OBSL1: variants seen among roughly 807,000 people sequenced by gnomAD.
OBSL1 encodes the protein obscurin like cytoskeletal adaptor 1.
In OBSL1, 160 loss-of-function variants were observed where a neutral mutation model predicts 172.0. That is an observed-to-expected ratio of 0.93 (90% confidence interval 0.82 to 1.06). OBSL1 has a LOEUF of 1.06. OBSL1 is among the 50% of genes least tolerant of loss of function. The probability of loss-of-function intolerance (pLI) is 0.00; values close to 1 mark genes in which losing one functional copy is unlikely to be tolerated. For synonymous variants in OBSL1, 1,200 were observed against 1,196.3 expected, an observed-to-expected ratio of 1.00 and a Z score of -0.06; for missense variants, 2,681 against 2,715.4, an observed-to-expected ratio of 0.99 and a Z score of 0.28.
chr2:219,548,497 G>C (rs539084224), downstream of OBSL1, among the ~76,000 whole-genome samples: 6 of 152,186 alleles, frequency 3.9e-5, no homozygotes, highest in African/African-American at 1.2e-4. Flanking sequence ...CTGCTTGAAG[G>C]AGGTGATATG....
downstream of OBSL1, chr2:219,547,859 C>G (rs1020188846): frequency 3.1e-6 from 5 of 1,588,780 alleles, no homozygotes; most frequent in Non-Finnish European, 4.3e-6. Flanking sequence ...ACTCACCACC[C>G]TGGCCACCGC....
In OBSL1 at chr2:219,553,144, C is replaced by G. The variant is rs918193923; in HGVS notation, c.4990-120G>C. 12 of 1,303,152 alleles carry G rather than the reference C, an allele frequency of 9.2e-6. No individual in the cohort carries two copies. The African/African-American group carries it at 1.5e-4, about 17-fold the overall frequency. 80.7% of individuals were successfully genotyped at this position (1,303,152 alleles called of 1,614,324 possible). ...GGTCTCGAGGCGCGTTTATGCGTGT[C>G]TCGTGTTCCCAGGCTGGGGTCGGAC... On this transcript the variant is annotated intron_variant, in intron 16 of 20. Coordinates refer to ENST00000404537, the MANE Select transcript of OBSL1 (RefSeq NM_015311.3).
intron 6 of OBSL1, 117 bp downstream of exon 6, chr2:219,565,125 C>A: frequency 9.4e-7 from 1 of 1,063,590 alleles, no homozygotes; most frequent in South Asian, 1.7e-5. Flanking sequence ...GTCCCCTGGG[C>A]CACTGGACTC....
downstream of OBSL1, chr2:219,547,940 G>A (rs1190999055): frequency 2.5e-6 from 4 of 1,593,742 alleles, no homozygotes; most frequent in African/African-American, 2.7e-5. Flanking sequence ...GGGGCGCTAC[G>A]TGGTGGAGCG....
At position 219,552,111 on chromosome 2, in the gene OBSL1, C is replaced by T. The variant is rs575596742; in HGVS notation, c.5413+1G>A. 1 of 1,606,256 alleles carries T rather than the reference C, an allele frequency of 6.2e-7. No homozygotes were observed. The highest frequency in any genetic ancestry group is 1.3e-5 in the African/African-American group (1 of 74,976). On this transcript the variant is annotated splice_donor_variant, in intron 19 of 20. Coordinates refer to ENST00000404537, the MANE Select transcript of OBSL1 (RefSeq NM_015311.3). LOFTEE classifies it high-confidence loss of function. ...CTGTCGCTCCCACCCCAGGTGCTTACCCTCCACTTCCAGTAGAGCCAGGGA... is the reference window on the plus strand; with the variant it reads ...CTGTCGCTCCCACCCCAGGTGCTTATCCTCCACTTCCAGTAGAGCCAGGGA...
chr2:219,553,612 C>G lies in OBSL1; in HGVS notation c.4951G>C (p.Glu1651Gln), dbSNP rs140825693. 4 of 1,613,740 alleles carry G rather than the reference C, an allele frequency of 2.5e-6. No homozygotes were observed. In the Admixed American group the frequency reaches 6.7e-5, roughly 27 times the overall value. ...TEGDTATFEC[E>Q]LSQALADVTW... is the part of the protein sequence containing the mutation. ...ACATCAGCCAAAGCTTGGGAAAGCTCGCACTCGAACGTAGCTGTGTCGCCC... is the reference window on the plus strand; with the variant it reads ...ACATCAGCCAAAGCTTGGGAAAGCTGGCACTCGAACGTAGCTGTGTCGCCC... The change falls in exon 16 of 21, where the codon GAG (glutamate) becomes CAG (glutamine). Residue 1651 changes from glutamate to glutamine, a missense_variant. Coordinates refer to ENST00000404537, the MANE Select transcript of OBSL1 (RefSeq NM_015311.3).
chr2:219,552,701 G>T lies in OBSL1; in HGVS notation c.5147-4C>A, dbSNP rs1198596998. 4 of 1,521,532 alleles carry T rather than the reference G, an allele frequency of 2.6e-6. No homozygotes were observed. The highest frequency in any genetic ancestry group is 3.5e-6 in the Non-Finnish European group (4 of 1,134,148). 94.3% of individuals were successfully genotyped at this position (1,521,532 alleles called of 1,614,324 possible). ...GAGAGTACCGCCACAGTACGCTCTG[G>T]GGCGGAGCCCGGGGCGTGAGCGGGG... On this transcript the variant is annotated splice_region_variant and splice_polypyrimidine_tract_variant and intron_variant, in intron 17 of 20. Transcript: ENST00000404537.
In OBSL1 at chr2:219,559,292, G is replaced by A. The variant is rs115417324; in HGVS notation, c.3159C>T (p.Pro1053=). The change falls in exon 9 of 21, where the codon CCC becomes CCT. Residue 1053 remains proline (P), a synonymous_variant. Coordinates refer to ENST00000404537, the MANE Select transcript of OBSL1 (RefSeq NM_015311.3). Reference sequence around the variant, plus strand: ...CACATACAAACTCGCCCCCGTCCTCGGGCTGAGCAGCAGGTAGCACCAGGC... The same window carrying A: ...CACATACAAACTCGCCCCCGTCCTCAGGCTGAGCAGCAGGTAGCACCAGGC... ...RCRLVLPAAQ[P]EDGGEFVCDA... is the part of the protein sequence containing the mutation. 5.5e-4 allele frequency: 895 copies of A among 1,613,784 alleles called. 5 individuals carry two copies. The African/African-American group carries it at 0.011, about 19-fold the overall frequency.
intron 8 of OBSL1, chr2:219,562,014 G>T: frequency 1.4e-6 from 1 of 717,548 alleles, no homozygotes; most frequent in South Asian, 1.5e-5. Context: ...AGACTCTGCA[G>T]ACCAAACAAA....
At position 219,557,826 on chromosome 2, in the gene OBSL1, C is replaced by T; in HGVS notation, c.3787G>A (p.Ala1263Thr). ...APSLSFTVQV[A>T]EPPVRVVAPE... ...TTAATGCCCAGGCTGTACTCACCAG[C>T]CACCTGGACGGTGAAGCTGAGGCTT... The change falls in exon 11 of 21, where the codon GCT (alanine) becomes ACT (threonine). Residue 1263 changes from alanine (A) to threonine (T), a missense_variant. Transcript: ENST00000404537. The T allele has an allele frequency of 6.3e-7, 1 of 1,596,730 alleles. No individual in the cohort carries two copies. Among genetic ancestry groups the T allele is most frequent in the Non-Finnish European group, 8.5e-7 (1 of 1,178,812 alleles).
At chr2:219,559,043 C>CA in intron 9 of OBSL1, 182 bp downstream of exon 9, 2 of 582,748 alleles carry the variant, frequency 3.4e-6, no homozygotes, top group Non-Finnish European at 6.0e-6. Flanking sequence ...AATTGCTGGG[C>CA]ACCCTCCCAC....
chr2:219,556,344 C>A (rs1472577974), intron 13 of OBSL1, 52 bp from the exon 14 acceptor site: 3 of 1,570,340 alleles, frequency 1.9e-6, no homozygotes, highest in Non-Finnish European at 2.6e-6. Context: ...AGGCTGGCCC[C>A]TTGCTCCATC....
In OBSL1 at chr2:219,552,608, C is replaced by A; in HGVS notation, c.5236G>T (p.Glu1746Ter). 1 of 1,577,022 alleles carries A rather than the reference C, an allele frequency of 6.3e-7. No homozygotes were observed. The change falls in exon 18 of 21, where the codon GAG becomes TAG. Residue 1746 changes from glutamate (E) to a stop codon, truncating the protein, a stop_gained. Coordinates refer to ENST00000404537, the MANE Select transcript of OBSL1 (RefSeq NM_015311.3). LOFTEE classifies it high-confidence loss of function. ...ATFECTVSEV[E>*]TTGRWELGGR... ...CCGAGCTCCCAGCGCCCCGTGGTCT[C>A]GACCTCCGACACGGTGCACTCGAAC...
At chr2:219,566,440 G>A (rs542112865) in intron 5 of OBSL1, among the ~76,000 whole-genome samples, 93 of 152,270 alleles carry the variant, frequency 6.1e-4, no homozygotes, top group African/African-American at 2.2e-3. Context: ...TGTATGTAAG[G>A]TGATTAGGAC....
intron 6 of OBSL1, 86 bp from the exon 7 acceptor site, chr2:219,563,713 G>T: frequency 6.9e-7 from 1 of 1,443,026 alleles, no homozygotes; most frequent in Non-Finnish European, 9.5e-7. Context: ...CACTGTTTCT[G>T]CACAAGAGGA....
In OBSL1 at chr2:219,566,956, A is replaced by G. The variant is rs1559152507; in HGVS notation, c.2008T>C (p.Tyr670His). The G allele has an allele frequency of 1.2e-6, 2 of 1,613,672 alleles. No homozygotes were observed. Among genetic ancestry groups the G allele is most frequent in the East Asian group, 4.5e-5 (2 of 44,864 alleles). The part of the protein sequence containing the change: ...EGQVEPGALR[Y>H]RIEQKGLQHR... ...TGCAGACCCTTCTGCTCTATACGGT[A>G]CCGCAGGGCCCCAGGTTCCACCTGG... Residue 670 changes from tyrosine (Y) to histidine (H), a missense_variant, in exon 5 of 21, where the codon TAC (tyrosine) becomes CAC (histidine). By Grantham distance (83) the Tyr-to-His change is moderately conservative. Transcript: ENST00000404537.
intron 6 of OBSL1, 43 bp downstream of exon 6, chr2:219,565,199 A>AGTCT (rs1559149940): frequency 6.4e-7 from 1 of 1,557,920 alleles, no homozygotes. Context: ...CGGCCCCACA[A>AGTCT]TCAGCCTTGG....
Position 219,554,685 on chromosome 2 carries a change from GC to G in OBSL1, c.4664del (p.Gly1555AlafsTer14), listed in dbSNP as rs1213139489. The G allele has an allele frequency of 1.3e-6, 2 of 1,591,222 alleles. No homozygotes were observed. The highest frequency in any genetic ancestry group is 1.7e-6 in the Non-Finnish European group (2 of 1,168,922). On this transcript the variant is annotated frameshift_variant, in exon 15 of 21. Coordinates refer to ENST00000404537, the MANE Select transcript of OBSL1 (RefSeq NM_015311.3). LOFTEE classifies it high-confidence loss of function. ...ACAGCTCCAGCTGGAAGGTGGCACT[GC>G]CCCCCTCACTGATGGTCACGTCCTC... ...PLEDVTISEG[G>X]SATFQLELSQ...
chr2:219,566,641 G>T (rs1250006749), intron 5 of OBSL1, among the ~76,000 whole-genome samples, 189 bp downstream of exon 5: 1 of 152,238 alleles, frequency 6.6e-6, no homozygotes, highest in African/African-American at 2.4e-5. Context: ...AACAAGGGGT[G>T]CCCTGGATGT....
Sources: gnomAD v4.1 joint callset for allele counts (sites outside exome capture counted in the v4.1 genomes callset) on GRCh38, gnomAD v4.1.1 for gene constraint, MANE v1.5 for transcripts, NCBI Gene and HGNC (gene_info 2026-07-23, HGNC 2026-07-21) for gene names.